The following APLP2 variants were observed in gnomAD, a reference collection of about 807,000 sequenced individuals.
The protein encoded by APLP2 is amyloid beta precursor like protein 2.
In APLP2, 53 loss-of-function variants were observed where a neutral mutation model predicts 89.9. The observed-to-expected ratio is 0.59, with a 90% CI of 0.47 to 0.74. The LOEUF is 0.74. Among genes scored for constraint, APLP2 ranks in the 30% least tolerant of loss-of-function variants. The pLI is 0.00. For missense variants in APLP2, 973 were observed against 975.9 expected (o/e 1.00, Z 0.04); for synonymous variants, 372 against 348.6 (o/e 1.07, Z -0.75).
At chr11:130,091,858 G>C (rs1322029539) in intron 1 of APLP2, among the ~76,000 whole-genome samples, 1 of 146,130 alleles carries the variant, frequency 6.8e-6, no homozygotes, top group South Asian at 2.1e-4. Context: ...GGTGGCTGCC[G>C]GGTGGAGACG....
chr11:130,135,002 C>T (rs150207216), intron 12 of APLP2, among the ~76,000 whole-genome samples: 5 of 152,138 alleles, frequency 3.3e-5, no homozygotes, highest in African/African-American at 9.6e-5. Context: ...GTCCAGGATT[C>T]GGGCCTGGGA....
intron 1 of APLP2, chr11:130,070,433 C>T: frequency 1.3e-6 from 1 of 758,700 alleles, no homozygotes; most frequent in South Asian, 6.6e-5. Flanking sequence ...GGGACAATGC[C>T]AGGGCGCTCC....
Position 130,133,647 on chromosome 11 carries a change from G to T in APLP2, c.1603G>T (p.Val535Leu), listed in dbSNP as rs536665333. 1 of 1,613,932 alleles carries T rather than the reference G, an allele frequency of 6.2e-7. No homozygotes were observed. Among genetic ancestry groups the T allele is most frequent in the African/African-American group, 1.3e-5 (1 of 74,912 alleles). ...CTTCCAGGTGATGACACATCTCCAC[G>T]TGATTGAAGAAAGGAGGAACCAAAG... ...MKSQVMTHLH[V>L]IEERRNQSLS... The change falls in exon 12 of 17, where the codon GTG (valine) becomes TTG (leucine). Residue 535 changes from valine to leucine, a missense_variant. Val to Leu is a conservative substitution (Grantham distance 32). Coordinates refer to ENST00000338167, the MANE Select transcript of APLP2 (RefSeq NM_001142276.2).
chr11:130,138,804 G>GCCCAC (rs1454378869), intron 13 of APLP2: 3 of 140,356 alleles, frequency 2.1e-5, no homozygotes, highest in Non-Finnish European at 4.6e-5. Flanking sequence ...TTGCCATGTT[G>GCCCAC]CCCAGGCTGG....
rs1950024873 is a variant in APLP2 at position 130,123,257 on chromosome 11, C to A, written c.923-355C>A. ...CCACTTAAAGCAGCCTTTCCACTCA[C>A]ACTGTCTCCTGAATAGACAAACTAG... is the stretch of plus-strand genomic sequence containing the variant. On this transcript the variant is annotated intron_variant, in intron 6 of 16. Coordinates refer to ENST00000338167, the MANE Select transcript of APLP2 (RefSeq NM_001142276.2). The surrounding 1 kb of genome is among the most constrained non-coding windows in gnomAD (Gnocchi z 4.0). Among the ~76,000 whole-genome samples, 1 of 152,226 alleles carries A rather than the reference C, an allele frequency of 6.6e-6. No homozygotes were observed. Among genetic ancestry groups the A allele is most frequent in the African/African-American group, 2.4e-5 (1 of 41,450 alleles).
intron 1 of APLP2, among the ~76,000 whole-genome samples, chr11:130,104,995 G>GA (rs1444816045): frequency 6.6e-6 from 1 of 152,146 alleles, no homozygotes; most frequent in Non-Finnish European, 1.5e-5. Flanking sequence ...ATTGGTCCTG[G>GA]AAAAAGACCA....
At chr11:130,115,191 G>A (rs1313742362) in intron 3 of APLP2, among the ~76,000 whole-genome samples, 2 of 151,818 alleles carry the variant, frequency 1.3e-5, no homozygotes, top group African/African-American at 4.8e-5. Context: ...GTGTACTTTT[G>A]TAGTATATTT....
intron 1 of APLP2, among the ~76,000 whole-genome samples, chr11:130,105,922 C>T (rs899268852): frequency 3.3e-5 from 5 of 151,990 alleles, no homozygotes; most frequent in African/African-American, 9.7e-5. Flanking sequence ...AGTCTGGTCT[C>T]GAACTCCCGA....
chr11:130,105,229 A>T (rs1947497474), intron 1 of APLP2, among the ~76,000 whole-genome samples: 1 of 152,250 alleles, frequency 6.6e-6, no homozygotes, highest in Admixed American at 6.5e-5. Context: ...CGTGGGCAAC[A>T]CAATGAGACC....
chr11:130,118,479 A>G (rs1320418952), intron 3 of APLP2, among the ~76,000 whole-genome samples: 1 of 152,234 alleles, frequency 6.6e-6, no homozygotes, highest in Non-Finnish European at 1.5e-5. Context: ...AGTAAATGAC[A>G]GTGCTGAGAT....
intron 10 of APLP2, among the ~76,000 whole-genome samples, chr11:130,129,438 C>T (rs1010306742): frequency 1.3e-5 from 2 of 152,204 alleles, no homozygotes; most frequent in African/African-American, 4.8e-5. Flanking sequence ...GTGTTTTACG[C>T]TGGAAAAGTA....
Position 130,123,805 on chromosome 11 carries a change from G to A in APLP2, c.1090+26G>A, listed in dbSNP as rs766585889. 14 of 1,609,312 alleles carry A rather than the reference G, an allele frequency of 8.7e-6. No homozygotes were observed. Among genetic ancestry groups the A allele is most frequent in the Middle Eastern group, 1.7e-4 (1 of 6,058 alleles). On this transcript the variant is annotated intron_variant, in intron 7 of 16. Coordinates refer to ENST00000338167, the MANE Select transcript of APLP2 (RefSeq NM_001142276.2). This position sits in a 1 kb window ranked among gnomAD's most constrained non-coding sequence, Gnocchi z 4.0. ...GTAAGTCCTGCCTCGCGCTGGTCCC[G>A]TGCGGCAGCACCGTCCTGTCTGGCG...
chr11:130,097,875 C>G (rs929697162), intron 1 of APLP2, among the ~76,000 whole-genome samples: 1 of 152,152 alleles, frequency 6.6e-6, no homozygotes, highest in Non-Finnish European at 1.5e-5. Context: ...ATTTTAATAA[C>G]AAAAGGTAGA....
At chr11:130,134,708 CG>C (rs1270589745) in intron 12 of APLP2, among the ~76,000 whole-genome samples, 1 of 152,028 alleles carries the variant, frequency 6.6e-6, no homozygotes, top group Non-Finnish European at 1.5e-5. Context: ...GAAGGGGTGA[CG>C]GGGTAGGAGA....
chr11:130,122,601 T>C, intron 6 of APLP2, 88 bp downstream of exon 6: 1 of 1,563,908 alleles, frequency 6.4e-7, no homozygotes, highest in Non-Finnish European at 8.7e-7. Context: ...GGTAAGTCAG[T>C]CACAGAAGGA....
chr11:130,072,112 C>T (rs1269070178), intron 1 of APLP2, among the ~76,000 whole-genome samples: 1 of 152,156 alleles, frequency 6.6e-6, no homozygotes, highest in African/African-American at 2.4e-5. Context: ...TAATCTCTTA[C>T]ACCTGTTTAA....
intron 3 of APLP2, 48 bp from the exon 4 acceptor site, chr11:130,120,658 C>A (rs757852670): frequency 1.4e-6 from 2 of 1,420,810 alleles, no homozygotes; most frequent in African/African-American, 1.4e-5. Context: ...GGCATTTTCA[C>A]CTTGAAATCA....
At chr11:130,114,790 T>C (rs189665793) in intron 3 of APLP2, among the ~76,000 whole-genome samples, 2 of 152,334 alleles carry the variant, frequency 1.3e-5, no homozygotes, top group African/African-American at 2.4e-5. Context: ...GGTAGTGTTA[T>C]TGCGATATGA....
chr11:130,110,248 A>G (rs1948379689), intron 2 of APLP2, among the ~76,000 whole-genome samples: 1 of 152,244 alleles, frequency 6.6e-6, no homozygotes, highest in Admixed American at 6.5e-5. Flanking sequence ...CAAACTTGAC[A>G]TCTCATGAAT....
Sources: gnomAD v4.1 joint callset for allele counts (sites outside exome capture counted in the v4.1 genomes callset) on GRCh38, gnomAD v4.1.1 for gene constraint, Gnocchi (gnomAD v3.1) non-coding constraint, MANE v1.5 for transcripts, NCBI Gene and HGNC (gene_info 2026-07-23, HGNC 2026-07-21) for gene names.